RNF152: variants seen among roughly 807,000 people sequenced by gnomAD.
RNF152 encodes the protein E3 ubiquitin-protein ligase RNF152.
Under a neutral mutation model 12.7 loss-of-function variants are expected in RNF152, and 11 were observed. That is an observed-to-expected ratio of 0.86 (90% CI 0.54 to 1.43). The LOEUF is 1.43. Ranked by LOEUF, RNF152 falls within the 40% of genes most tolerant of loss-of-function variation. The pLI, the probability that RNF152 is intolerant of heterozygous loss-of-function variation, is 0.00. For missense variants in RNF152, 255 were observed against 274.8 expected (o/e 0.93, Z 0.51); for synonymous variants, 113 against 120.3 (o/e 0.94, Z 0.40).
intron 1 of RNF152, among the ~76,000 whole-genome samples, chr18:61,865,403 A>G (rs994798509): frequency 6.6e-6 from 1 of 152,220 alleles, no homozygotes; most frequent in Non-Finnish European, 1.5e-5. Flanking sequence ...CTACAGCTTG[A>G]GAATTTGAAA....
chr18:61,814,966 C>G lies in RNF152; in HGVS notation c.*886G>C, dbSNP rs559154407. ...CACCGCTTCAGAGACTTGACTCATTCATGCCCAATGAAGTCTTCATCCCAG... is the reference window on the plus strand; with the variant it reads ...CACCGCTTCAGAGACTTGACTCATTGATGCCCAATGAAGTCTTCATCCCAG... On this transcript the variant is annotated 3_prime_UTR_variant, in exon 2 of 2. Coordinates refer to ENST00000312828, the MANE Select transcript of RNF152 (RefSeq NM_173557.3). 1 of 152,602 alleles carries G rather than the reference C, an allele frequency of 6.6e-6. No individual in the cohort carries two copies. Among genetic ancestry groups the G allele is most frequent in the South Asian group, 2.1e-4 (1 of 4,828 alleles). 9.5% of individuals were successfully genotyped at this position (152,602 alleles called of 1,614,324 possible).
In RNF152 at chr18:61,867,143, T is replaced by C. The variant is rs117993683; in HGVS notation, c.-136+25652A>G. 6.6e-5 allele frequency among the ~76,000 whole-genome samples: 10 copies of C among 152,258 alleles called. No homozygotes were observed. In the East Asian group the frequency reaches 1.9e-3, roughly 29 times the overall value. On this transcript the variant is annotated intron_variant, in intron 1 of 1. Transcript: ENST00000312828. Reference sequence around the variant, plus strand: ...CAGCAAGAGGTGGGAACTCAAGAGTTACCCATGCATGGCAAATACAAAGAG... The same window carrying C: ...CAGCAAGAGGTGGGAACTCAAGAGTCACCCATGCATGGCAAATACAAAGAG...
At chr18:61,836,298 A>G (rs1910180927) in intron 1 of RNF152, among the ~76,000 whole-genome samples, 1 of 152,080 alleles carries the variant, frequency 6.6e-6, no homozygotes, top group African/African-American at 2.4e-5. Flanking sequence ...CAAATTTGGA[A>G]ACATTTGAAT....
chr18:61,821,845 A>G (rs1199208559), intron 1 of RNF152, among the ~76,000 whole-genome samples: 1 of 152,200 alleles, frequency 6.6e-6, no homozygotes, highest in African/African-American at 2.4e-5. Context: ...ACTCTTTATG[A>G]GGATCTAACT....
chr18:61,886,526 T>C (rs1445239062), intron 1 of RNF152, among the ~76,000 whole-genome samples: 1 of 152,224 alleles, frequency 6.6e-6, no homozygotes, highest in Non-Finnish European at 1.5e-5. Flanking sequence ...GTTACATGAT[T>C]TTGCCCCCAT....
At chr18:61,820,970 T>G (rs956907853) in intron 1 of RNF152, among the ~76,000 whole-genome samples, 4 of 152,150 alleles carry the variant, frequency 2.6e-5, no homozygotes, top group African/African-American at 7.2e-5. Flanking sequence ...AGTGAGCTCA[T>G]GGGATCCACA....
At chr18:61,830,756 G>A (rs192647010) in intron 1 of RNF152, among the ~76,000 whole-genome samples, 1 of 135,564 alleles carries the variant, frequency 7.4e-6, no homozygotes, top group East Asian at 2.0e-4. Context: ...ACAAAGAGCT[G>A]AGAGTGAAGG....
chr18:61,817,360 C>G (rs1176960458), intron 1 of RNF152, among the ~76,000 whole-genome samples: 1 of 152,126 alleles, frequency 6.6e-6, no homozygotes, highest in Non-Finnish European at 1.5e-5. Flanking sequence ...TAGGCTTGTA[C>G]CAAGTAACAC....
At chr18:61,877,823 A>G (rs1271693041) in intron 1 of RNF152, among the ~76,000 whole-genome samples, 1 of 152,236 alleles carries the variant, frequency 6.6e-6, no homozygotes, top group Non-Finnish European at 1.5e-5. Flanking sequence ...CTGCTTCAGC[A>G]AAGTCTCTTC....
At chr18:61,844,227 G>A (rs1910647902) in intron 1 of RNF152, among the ~76,000 whole-genome samples, 1 of 136,376 alleles carries the variant, frequency 7.3e-6, no homozygotes, top group South Asian at 2.8e-4. Context: ...GGGAAGGAGG[G>A]AGACGGGAGG....
At chr18:61,830,233 C>T (rs1451025213) in intron 1 of RNF152, among the ~76,000 whole-genome samples, 1 of 151,968 alleles carries the variant, frequency 6.6e-6, no homozygotes, top group Non-Finnish European at 1.5e-5. Flanking sequence ...TGGTATTTGG[C>T]CAGGCTGGTC....
At chr18:61,834,318 C>T (rs958196119) in intron 1 of RNF152, among the ~76,000 whole-genome samples, 6 of 152,228 alleles carry the variant, frequency 3.9e-5, no homozygotes, top group African/African-American at 1.4e-4. Context: ...CTGCTTTCAG[C>T]CCAAATGTCT....
chr18:61,820,711 A>G (rs1909360278), intron 1 of RNF152, among the ~76,000 whole-genome samples: 1 of 152,050 alleles, frequency 6.6e-6, no homozygotes, highest in African/African-American at 2.4e-5. Context: ...ACATCATATC[A>G]AAACAGTGAC....
intron 1 of RNF152, among the ~76,000 whole-genome samples, chr18:61,848,648 C>A (rs1243674937): frequency 1.3e-5 from 2 of 152,210 alleles, no homozygotes; most frequent in African/African-American, 2.4e-5. Context: ...CCCCCAGAGA[C>A]CAGCACCTGT....
At chr18:61,832,201 AAGGAT>A (rs1326135949) in intron 1 of RNF152, among the ~76,000 whole-genome samples, 5 of 152,186 alleles carry the variant, frequency 3.3e-5, no homozygotes, top group Admixed American at 1.3e-4. Context: ...ACCAGTGCAA[AAGGAT>A]ATATTTTTGA....
intron 1 of RNF152, among the ~76,000 whole-genome samples, chr18:61,885,979 TGCTTTC>T (rs1447590749): frequency 8.3e-5 from 10 of 119,812 alleles, no homozygotes; most frequent in Non-Finnish European, 1.2e-4. Flanking sequence ...TGCTTTCTTT[TGCTTTC>T]TTTTTTTTTT....
rs1426038387 is a variant in RNF152 at position 61,820,328 on chromosome 18, CACCAAAA to C, written c.-135-3737_-135-3731del. ...TGGGTGACAGAGAGAGACTCCGTCT[CACCAAAA>C]AAAAAAAAAAAAAAAAAAAAAAAAG... On this transcript the variant is annotated intron_variant, in intron 1 of 1. Transcript: ENST00000312828. Among the ~76,000 whole-genome samples, 8 of 28,104 alleles carry C rather than the reference CACCAAAA, an allele frequency of 2.8e-4. 1 individual carries two copies. Among genetic ancestry groups the C allele is most frequent in the South Asian group, 1.6e-3 (1 of 620 alleles). The allele number at this position is 28,104 out of a possible 152,430, so 18.4% of individuals were successfully genotyped here. A position where few individuals can be genotyped will look rare whatever the true frequency, so the allele number is the denominator to read the frequency against.
chr18:61,820,328 C>CA (rs1271685745), intron 1 of RNF152, among the ~76,000 whole-genome samples: 20,233 of 28,044 alleles, frequency 0.72, 8,898 homozygotes, highest in South Asian at 0.86. Context: ...GACTCCGTCT[C>CA]ACCAAAAAAA....
intron 1 of RNF152, among the ~76,000 whole-genome samples, chr18:61,851,104 A>AC (rs998099170): frequency 6.6e-6 from 1 of 151,830 alleles, no homozygotes; most frequent in Non-Finnish European, 1.5e-5. Flanking sequence ...AAAAAAAAAA[A>AC]AAAACTTATG....
Sources: allele counts gnomAD v4.1 joint callset (sites outside exome capture counted in the v4.1 genomes callset), GRCh38; gene constraint gnomAD v4.1.1; transcripts MANE v1.5; gene names NCBI Gene and HGNC (gene_info 2026-07-23, HGNC 2026-07-21).